Variants in STARD8 observed in about 807,000 individuals in gnomAD.
STARD8 encodes the protein StAR related lipid transfer domain containing 8, also known as stAR-related lipid transfer protein 8.
Under a neutral mutation model 69.4 loss-of-function variants are expected in STARD8, and 25 were observed. That is an observed-to-expected ratio of 0.36 (90% CI 0.26 to 0.50). The LOEUF is 0.50. Ranked by LOEUF, STARD8 falls within the 20% of genes least tolerant of loss-of-function variation. The pLI, the probability that STARD8 is intolerant of heterozygous loss-of-function variation, is 0.96. For missense variants in STARD8, 921 were observed against 932.5 expected (o/e 0.99, Z 0.16); for synonymous variants, 389 against 374.6 (o/e 1.04, Z -0.45).
At chrX:68,670,992 C>T (rs907393928) in intron 2 of STARD8, among the ~76,000 whole-genome samples, 17 of 111,740 alleles carry the variant, frequency 1.5e-4, no homozygotes, top group African/African-American at 3.9e-4. Flanking sequence ...TGGTTGCAAC[C>T]GCTACCTAAC....
intron 1 of STARD8, among the ~76,000 whole-genome samples, chrX:68,652,934 CCACACA>C (rs1355979932): frequency 1.9e-5 from 1 of 53,825 alleles, no homozygotes; most frequent in Non-Finnish European, 3.3e-5. Flanking sequence ...ATCACACACA[CCACACA>C]CACACACCAC....
chrX:68,676,839 A>G lies in STARD8; in HGVS notation c.79+11307A>G, dbSNP rs190582088. Among the ~76,000 whole-genome samples the G allele has an allele frequency of 2.5e-3, 283 of 111,442 alleles. 4 individuals carry two copies. The highest frequency in any genetic ancestry group is 8.9e-3 in the African/African-American group (271 of 30,596). On this transcript the variant is annotated intron_variant, in intron 2 of 14. Transcript: ENST00000374599. The stretch of plus-strand genomic sequence containing the variant: ...TGTTTTTCCTTTCCAGAAATCTTCT[A>G]TTGCCAAAGCTATTGAAAATGTGAG...
At chrX:68,701,045 G>A (rs2079962771) in intron 2 of STARD8, among the ~76,000 whole-genome samples, 1 of 111,405 alleles carries the variant, frequency 9.0e-6, no homozygotes, top group Admixed American at 9.5e-5. Flanking sequence ...CTGCCACCTC[G>A]TGGGCATTCG....
intron 2 of STARD8, among the ~76,000 whole-genome samples, chrX:68,666,293 C>T (rs1602550369): frequency 8.9e-6 from 1 of 112,355 alleles, no homozygotes; most frequent in East Asian, 2.8e-4. Flanking sequence ...TCGAGGCCAT[C>T]GTCCTGGCTC....
chrX:68,680,831 A>G (rs2079796801), intron 2 of STARD8, among the ~76,000 whole-genome samples: 1 of 110,947 alleles, frequency 9.0e-6, no homozygotes, highest in Non-Finnish European at 1.9e-5. Flanking sequence ...TACGTGATAC[A>G]AGGGCAAGAA....
intron 2 of STARD8, among the ~76,000 whole-genome samples, chrX:68,703,954 T>A (rs1056474658): frequency 1.8e-5 from 2 of 111,785 alleles, no homozygotes; most frequent in Non-Finnish European, 3.8e-5. Context: ...GGCTTTGAGG[T>A]GAAGACATGT....
intron 2 of STARD8, among the ~76,000 whole-genome samples, chrX:68,702,291 C>T (rs1201305023): frequency 2.7e-5 from 3 of 111,834 alleles, no homozygotes; most frequent in South Asian, 3.7e-4. Flanking sequence ...AAGGGAGAGC[C>T]GAGGGAGGCT....
At position 68,665,184 on chromosome X, in the gene STARD8, C is replaced by T. The variant is rs751541776; in HGVS notation, c.46-315C>T. On this transcript the variant is annotated intron_variant, in intron 1 of 14. Coordinates refer to ENST00000374599, the MANE Select transcript of STARD8 (RefSeq NM_001142503.3). ...TTTAATAATCTTTCTTATCAGGCCT[C>T]GGAACAGTACTGTGAGCTGTGGCAG... Among the ~76,000 whole-genome samples, 7 of 112,022 alleles carry T rather than the reference C, an allele frequency of 6.2e-5. No homozygotes were observed. The South Asian group carries it at 1.1e-3, about 18-fold the overall frequency.
chrX:68,670,372 G>T (rs964914194), intron 2 of STARD8, among the ~76,000 whole-genome samples: 10 of 111,567 alleles, frequency 9.0e-5, no homozygotes, highest in African/African-American at 3.3e-4. Flanking sequence ...GGGAGGTGGG[G>T]GTAGGGTCAG....
chrX:68,653,972 G>A (rs1371260778), intron 1 of STARD8, among the ~76,000 whole-genome samples: 2 of 111,972 alleles, frequency 1.8e-5, no homozygotes, highest in African/African-American at 6.5e-5. Context: ...CTTGGGAGGT[G>A]GGAAATCTGC....
At chrX:68,667,930 G>A (rs1205093054) in intron 2 of STARD8, among the ~76,000 whole-genome samples, 1 of 111,180 alleles carries the variant, frequency 9.0e-6, no homozygotes, top group Non-Finnish European at 1.9e-5. Context: ...TCTCCCAAGT[G>A]TGACCAGAGC....
chrX:68,712,267 AG>A (rs2080057037), intron 2 of STARD8, among the ~76,000 whole-genome samples: 1 of 111,953 alleles, frequency 8.9e-6, no homozygotes, highest in Admixed American at 9.4e-5. Context: ...GACTATAATG[AG>A]CATGGGGGTG....
intron 1 of STARD8, 112 bp from the exon 2 acceptor site, chrX:68,665,387 T>C (rs1389533403): frequency 2.3e-6 from 2 of 880,621 alleles, no homozygotes; most frequent in African/African-American, 2.0e-5. Context: ...CCTCCATGTG[T>C]CTTTCTGTAA....
intron 4 of STARD8, 71 bp from the exon 5 acceptor site, chrX:68,716,297 G>T: frequency 6.0e-6 from 6 of 1,005,193 alleles, no homozygotes; most frequent in Non-Finnish European, 8.3e-6. Flanking sequence ...GAAGTGGCAG[G>T]TGCATCTTGG....
rs181377522 is a variant in STARD8 at position 68,685,923 on chromosome X, A to C, written c.79+20391A>C. On this transcript the variant is annotated intron_variant, in intron 2 of 14. Coordinates refer to ENST00000374599, the MANE Select transcript of STARD8 (RefSeq NM_001142503.3). ...CCGAGGAGTGAGTCAGTCTGTCAAG[A>C]TGGCCAGAGCCATTGTTTCCTTCTC... Among the ~76,000 whole-genome samples, 29 of 112,222 alleles carry C rather than the reference A, an allele frequency of 2.6e-4. No individual in the cohort carries two copies. The Admixed American group carries it at 2.7e-3, about 11-fold the overall frequency.
intron 2 of STARD8, among the ~76,000 whole-genome samples, chrX:68,673,225 G>A (rs139068624): frequency 0.028 from 3,151 of 111,672 alleles, 128 homozygotes; most frequent in African/African-American, 0.099. Context: ...GAGGATGACC[G>A]AAGTAGGCTG....
chrX:68,724,264 A>G, intron 14 of STARD8, 41 bp from the exon 15 acceptor site: 1 of 1,194,575 alleles, frequency 8.4e-7, no homozygotes, highest in South Asian at 1.8e-5. Flanking sequence ...GGCTCTGGGG[A>G]AAAATCCATT....
At chrX:68,711,995 G>T (rs1236923718) in intron 2 of STARD8, among the ~76,000 whole-genome samples, 1 of 112,738 alleles carries the variant, frequency 8.9e-6, no homozygotes, top group Non-Finnish European at 1.9e-5. Context: ...CAGGTGCAGG[G>T]CTTTGCTGCT....
intron 1 of STARD8, among the ~76,000 whole-genome samples, chrX:68,657,972 C>T (rs1035383702): frequency 3.6e-5 from 4 of 109,834 alleles, no homozygotes; most frequent in African/African-American, 6.7e-5. Context: ...TGGGAGGTCC[C>T]GGCGGGGTGG....
Sources: gnomAD v4.1 joint callset for allele counts (sites outside exome capture counted in the v4.1 genomes callset) on GRCh38, gnomAD v4.1.1 for gene constraint, MANE v1.5 for transcripts, NCBI Gene and HGNC (gene_info 2026-07-23, HGNC 2026-07-21) for gene names.